The following PPP5C variants were observed in gnomAD, a reference collection of about 807,000 sequenced individuals.
The protein encoded by PPP5C is serine/threonine-protein phosphatase 5.
In PPP5C, 21 loss-of-function variants were observed where a neutral mutation model predicts 66.7. The observed-to-expected ratio is 0.31, with a 90% confidence interval of 0.22 to 0.45. The LOEUF is 0.45. Ranked by LOEUF, PPP5C falls within the 20% of genes least tolerant of loss-of-function variation. PPP5C has a pLI of 1.00. For synonymous variants in PPP5C, 246 were observed against 257.4 expected (o/e 0.96, Z 0.43); for missense variants, 464 against 675.9 (o/e 0.69, Z 3.48).
chr19:46,387,687 A>T, intron 9 of PPP5C: 1 of 1,453,666 alleles, frequency 6.9e-7, no homozygotes, highest in East Asian at 2.6e-5. Context: ...ACCGCCGAGC[A>T]CACCTGTCCT....
intron 6 of PPP5C, 42 bp from the exon 7 acceptor site, chr19:46,384,762 C>G: frequency 4.5e-5 from 55 of 1,235,060 alleles, no homozygotes; most frequent in Non-Finnish European, 6.0e-5. Context: ...CCGCACCGCA[C>G]CCTTCCCCTC....
intron 2 of PPP5C, among the ~76,000 whole-genome samples, chr19:46,355,202 G>A (rs191763127): frequency 4.4e-4 from 67 of 152,356 alleles, no homozygotes; most frequent in African/African-American, 1.5e-3. Flanking sequence ...AGACGGGGCC[G>A]TGCGCTTGTC....
At position 46,383,250 on chromosome 19, in the gene PPP5C, G is replaced by C. The variant is rs572086663; in HGVS notation, c.634-161G>C. The C allele has an allele frequency of 6.5e-7, 1 of 1,542,414 alleles. No individual in the cohort carries two copies. The highest frequency in any genetic ancestry group is 8.7e-7 in the Non-Finnish European group (1 of 1,145,234). On this transcript the variant is annotated intron_variant, in intron 4 of 12. Coordinates refer to ENST00000012443, the MANE Select transcript of PPP5C (RefSeq NM_006247.4). The surrounding 1 kb of genome is among the most constrained non-coding windows in gnomAD (Gnocchi z 5.0). ...GAAGCCTGCGGCTGCCTCCGGCCCC[G>C]CCTGCTCCCGCTCCCCCAGGCCTGC...
chr19:46,354,094 T>C (rs1972241968), intron 2 of PPP5C, 105 bp downstream of exon 2: 1 of 1,463,816 alleles, frequency 6.8e-7, no homozygotes, highest in East Asian at 2.4e-5. Flanking sequence ...TACTTACCAC[T>C]CAGCCAGCCA....
chr19:46,390,934 G>T lies in PPP5C; in HGVS notation c.*588G>T. 1 of 1,172,508 alleles carries T rather than the reference G, an allele frequency of 8.5e-7. No individual in the cohort carries two copies. The highest frequency in any genetic ancestry group is 1.1e-6 in the Non-Finnish European group (1 of 930,386). The allele number at this position is 1,172,508 out of a possible 1,614,324, so 72.6% of individuals were successfully genotyped here. A position where few individuals can be genotyped will look rare whatever the true frequency, so the allele number is the denominator to read the frequency against. On this transcript the variant is annotated 3_prime_UTR_variant, in exon 13 of 13. Transcript: ENST00000012443. ...AGGAGATCCGGAGGGTGGGGAGGCC[G>T]CAAAGTCCCGCTGGCCGGGCCCACC... is the stretch of plus-strand genomic sequence containing the variant.
chr19:46,363,228 A>G (rs1304218199), intron 2 of PPP5C, among the ~76,000 whole-genome samples: 1 of 119,190 alleles, frequency 8.4e-6, no homozygotes, highest in African/African-American at 3.1e-5. Flanking sequence ...GAATGGCGTG[A>G]ACCCGGGAGG....
At chr19:46,389,400 C>A (rs1972961051) in intron 11 of PPP5C, among the ~76,000 whole-genome samples, 1 of 21,150 alleles carries the variant, frequency 4.7e-5, no homozygotes, top group African/African-American at 1.3e-4. Context: ...CACACACACA[C>A]ACACACACAC....
chr19:46,390,026 G>C (rs201684906), intron 11 of PPP5C, 25 bp from the exon 12 acceptor site: 254 of 1,610,896 alleles, frequency 1.6e-4, no homozygotes, highest in Non-Finnish European at 1.9e-4. Flanking sequence ...TGACCACACT[G>C]TCCACTCTGC....
intron 1 of PPP5C, 127 bp downstream of exon 1, chr19:46,347,344 G>A: frequency 3.6e-6 from 5 of 1,381,862 alleles, no homozygotes; most frequent in Non-Finnish European, 4.8e-6. Context: ...ACCGGGCGTG[G>A]GGAGGCCCAG....
At chr19:46,362,980 G>A (rs1972418296) in intron 2 of PPP5C, among the ~76,000 whole-genome samples, 1 of 149,894 alleles carries the variant, frequency 6.7e-6, no homozygotes, top group Non-Finnish European at 1.5e-5. Context: ...GTAGAGATGG[G>A]GTTTCACCGT....
intron 9 of PPP5C, chr19:46,387,990 C>T (rs888278592): frequency 7.5e-6 from 2 of 265,680 alleles, no homozygotes; most frequent in African/African-American, 2.2e-5. Context: ...GAGAAGTTGG[C>T]GAGTGGGCAG....
intron 11 of PPP5C, among the ~76,000 whole-genome samples, chr19:46,389,248 C>T (rs143304344): frequency 2.0e-5 from 3 of 151,698 alleles, no homozygotes; most frequent in East Asian, 1.9e-4. Flanking sequence ...TGTTCGAACC[C>T]GGGAGGTAGA....
At chr19:46,389,961 C>T in intron 11 of PPP5C, 90 bp from the exon 12 acceptor site, 1 of 1,182,444 alleles carries the variant, frequency 8.5e-7, no homozygotes, top group Non-Finnish European at 1.3e-6. Flanking sequence ...CCCTCTCCCT[C>T]TGTCCCTTCT....
intron 2 of PPP5C, among the ~76,000 whole-genome samples, chr19:46,363,778 C>A (rs1399794371): frequency 1.3e-5 from 2 of 152,148 alleles, no homozygotes; most frequent in Admixed American, 6.5e-5. Flanking sequence ...AATTTTGTAT[C>A]ATGTAGATAA....
intron 2 of PPP5C, among the ~76,000 whole-genome samples, chr19:46,358,275 T>C (rs1188504484): frequency 6.6e-6 from 1 of 152,174 alleles, no homozygotes; most frequent in Non-Finnish European, 1.5e-5. Context: ...AGAACTCCAT[T>C]AGGTCATTAA....
intron 2 of PPP5C, among the ~76,000 whole-genome samples, chr19:46,364,527 T>C (rs776812021): frequency 2.6e-5 from 4 of 152,160 alleles, no homozygotes; most frequent in Non-Finnish European, 4.4e-5. Flanking sequence ...GAGTTTGCTT[T>C]GGGAGGTGGG....
At chr19:46,371,593 G>T (rs894209288) in intron 2 of PPP5C, among the ~76,000 whole-genome samples, 1 of 152,176 alleles carries the variant, frequency 6.6e-6, no homozygotes, top group Non-Finnish European at 1.5e-5. Context: ...GGCAGGCGCA[G>T]CGGGTCCGAG....
chr19:46,375,198 G>T (rs1375032230), intron 2 of PPP5C, among the ~76,000 whole-genome samples: 1 of 152,150 alleles, frequency 6.6e-6, no homozygotes, highest in Non-Finnish European at 1.5e-5. Context: ...AGTCTGGGCT[G>T]TTCTGTGACC....
chr19:46,380,401 G>A (rs1254178784), intron 4 of PPP5C, among the ~76,000 whole-genome samples: 1 of 151,842 alleles, frequency 6.6e-6, no homozygotes, highest in Admixed American at 6.6e-5. Flanking sequence ...TCATGCTTAT[G>A]CATCTGCTAT....
Sources: allele counts gnomAD v4.1 joint callset (sites outside exome capture counted in the v4.1 genomes callset), GRCh38; gene constraint gnomAD v4.1.1; non-coding constraint Gnocchi (gnomAD v3.1); transcripts MANE v1.5; gene names NCBI Gene and HGNC (gene_info 2026-07-23, HGNC 2026-07-21).